The following HDAC8 variants were observed in gnomAD, a reference collection of about 807,000 sequenced individuals.
The protein encoded by HDAC8 is histone deacetylase-like 1.
Under a neutral mutation model 32.2 loss-of-function variants are expected in HDAC8, and 1 was observed. The ratio of observed to expected loss-of-function variants is 0.03; its 90% CI spans 0.01 to 0.15. The LOEUF (loss-of-function observed/expected upper bound fraction) is 0.15. Among genes scored for constraint, HDAC8 ranks in the 10% least tolerant of loss-of-function variants. The pLI is 1.00. For synonymous variants in HDAC8, 108 were observed against 113.9 expected, an observed-to-expected ratio of 0.95 and a Z score of 0.33; for missense variants, 117 against 300.0, an observed-to-expected ratio of 0.39 and a Z score of 4.51.
At chrX:72,460,330 C>T (rs1182637021) in intron 9 of HDAC8, among the ~76,000 whole-genome samples, 3 of 110,200 alleles carry the variant, frequency 2.7e-5, no homozygotes, top group African/African-American at 9.9e-5. Context: ...TAGAGATGGG[C>T]TTTCACCATG....
intron 4 of HDAC8, among the ~76,000 whole-genome samples, chrX:72,499,944 G>T (rs1482286882): frequency 1.8e-5 from 2 of 111,153 alleles, no homozygotes; most frequent in Non-Finnish European, 3.8e-5. Flanking sequence ...ATGATGAAGG[G>T]AATGTTACCA....
At chrX:72,483,859 T>C (rs1556004411) in intron 7 of HDAC8, among the ~76,000 whole-genome samples, 1 of 111,888 alleles carries the variant, frequency 8.9e-6, no homozygotes, top group Non-Finnish European at 1.9e-5. Flanking sequence ...GGGCTCAGTA[T>C]AGATAGACAA....
At chrX:72,554,474 T>A (rs2051197816) in intron 4 of HDAC8, among the ~76,000 whole-genome samples, 1 of 19,038 alleles carries the variant, frequency 5.3e-5, no homozygotes, top group Non-Finnish European at 8.8e-5. Context: ...GACTCAGTGC[T>A]GTTTGGAGCG....
At chrX:72,359,089 A>G in intron 9 of HDAC8, among the ~76,000 whole-genome samples, 1 of 103,600 alleles carries the variant, frequency 9.7e-6, no homozygotes. Context: ...CAGGAGTTTG[A>G]TACGGGGGTA....
intron 4 of HDAC8, among the ~76,000 whole-genome samples, chrX:72,510,808 A>AT (rs1218813052): frequency 1.3e-4 from 14 of 111,786 alleles, no homozygotes; most frequent in African/African-American, 4.5e-4. Context: ...TTTTTTTCAG[A>AT]TTACTTAGGT....
At chrX:72,395,880 C>T (rs1363882518) in intron 9 of HDAC8, among the ~76,000 whole-genome samples, 1 of 112,106 alleles carries the variant, frequency 8.9e-6, no homozygotes, top group Non-Finnish European at 1.9e-5. Context: ...CTTTCAAAGG[C>T]TCTGAACAAT....
intron 5 of HDAC8, among the ~76,000 whole-genome samples, chrX:72,492,951 TA>T (rs1349216225): frequency 9.0e-6 from 1 of 111,487 alleles, no homozygotes; most frequent in Admixed American, 9.5e-5. Flanking sequence ...ACAGACACAT[TA>T]AAAAATTAAT....
At chrX:72,465,622 C>T (rs1378683171) in intron 7 of HDAC8, among the ~76,000 whole-genome samples, 2 of 111,518 alleles carry the variant, frequency 1.8e-5, no homozygotes, top group African/African-American at 6.5e-5. Context: ...CCTCAAGGGC[C>T]TGAATAACTC....
At chrX:72,504,653 A>G (rs1377657966) in intron 4 of HDAC8, among the ~76,000 whole-genome samples, 1 of 112,068 alleles carries the variant, frequency 8.9e-6, no homozygotes, top group Non-Finnish European at 1.9e-5. Context: ...GTGCTGCTAT[A>G]AACATTTGTG....
At chrX:72,534,064 G>T (rs1556037577) in intron 4 of HDAC8, among the ~76,000 whole-genome samples, 1 of 110,151 alleles carries the variant, frequency 9.1e-6, no homozygotes, top group South Asian at 3.8e-4. Flanking sequence ...TACAAAGGAA[G>T]AAGTAAAACT....
At chrX:72,338,350 G>A (rs1174091061) in intron 10 of HDAC8, among the ~76,000 whole-genome samples, 1 of 110,737 alleles carries the variant, frequency 9.0e-6, no homozygotes, top group Non-Finnish European at 1.9e-5. Context: ...GAGGCTTAAA[G>A]CTTGGTCATT....
chrX:72,456,415 G>GA (rs1358456352), intron 9 of HDAC8, among the ~76,000 whole-genome samples: 1 of 111,301 alleles, frequency 9.0e-6, no homozygotes, highest in Non-Finnish European at 1.9e-5. Context: ...AAAGAGAAAG[G>GA]AAAAAAATGG....
At chrX:72,458,871 G>T (rs1555990697) in intron 9 of HDAC8, among the ~76,000 whole-genome samples, 1 of 112,057 alleles carries the variant, frequency 8.9e-6, no homozygotes, top group Non-Finnish European at 1.9e-5. Context: ...AAAAGTGTAA[G>T]CTCTTTAATG....
chrX:72,444,803 A>G (rs868972702), intron 9 of HDAC8, among the ~76,000 whole-genome samples: 3 of 107,186 alleles, frequency 2.8e-5, no homozygotes, highest in Non-Finnish European at 5.8e-5. Flanking sequence ...TCTCAGCCCA[A>G]AATCTCCTTC....
At chrX:72,343,218 G>A (rs2043933261) in intron 10 of HDAC8, among the ~76,000 whole-genome samples, 1 of 108,823 alleles carries the variant, frequency 9.2e-6, no homozygotes, top group Admixed American at 9.9e-5. Context: ...TGCCCAAGCT[G>A]GAGTGCAGTA....
chrX:72,462,161 G>T (rs2047886035), intron 8 of HDAC8, 63 bp from the exon 9 acceptor site: 2 of 859,597 alleles, frequency 2.3e-6, no homozygotes, highest in Admixed American at 2.4e-5. Flanking sequence ...GAGAGGGAAG[G>T]GGGGTAAGGA....
intron 10 of HDAC8, among the ~76,000 whole-genome samples, chrX:72,346,346 T>C (rs1227168081): frequency 8.9e-6 from 1 of 112,027 alleles, no homozygotes; most frequent in Admixed American, 9.4e-5. Context: ...ACCCTACCTT[T>C]CAACTTATCC....
intron 9 of HDAC8, among the ~76,000 whole-genome samples, chrX:72,401,927 A>T (rs781962919): frequency 8.9e-6 from 1 of 112,404 alleles, no homozygotes; most frequent in South Asian, 3.7e-4. Flanking sequence ...AAAGAATTGC[A>T]TTTGATTTTT....
rs1341902796 is a variant in HDAC8, at chrX:72,440,987, C to T, written c.1005+21017G>A. 4.4e-5 allele frequency among the ~76,000 whole-genome samples: 5 copies of T among 112,962 alleles called. 1 individual carries two copies. Among genetic ancestry groups the T allele is most frequent in the South Asian group, 7.3e-4 (2 of 2,733 alleles). On this transcript the variant is annotated intron_variant, in intron 9 of 10. Coordinates refer to ENST00000373573, the MANE Select transcript of HDAC8 (RefSeq NM_018486.3). ...GGCGGCAGCGAGGCTGAGGGAGGGGCGCCCGCCATTGCCCAGGCTTGCTTA... is the reference window on the plus strand; with the variant it reads ...GGCGGCAGCGAGGCTGAGGGAGGGGTGCCCGCCATTGCCCAGGCTTGCTTA...
Sources: gnomAD v4.1 joint callset for allele counts (sites outside exome capture counted in the v4.1 genomes callset) on GRCh38, gnomAD v4.1.1 for gene constraint, MANE v1.5 for transcripts, NCBI Gene and HGNC (gene_info 2026-07-23, HGNC 2026-07-21) for gene names.